Variants in NTRK1 observed in about 807,000 individuals in gnomAD.
NTRK1 encodes the protein high affinity nerve growth factor receptor.
NTRK1 carries 62 observed loss-of-function variants against 86.8 expected under a neutral mutation model. The ratio of observed to expected loss-of-function variants is 0.71; its 90% confidence interval spans 0.58 to 0.88. The LOEUF (loss-of-function observed/expected upper bound fraction) is 0.88. Among genes scored for constraint, NTRK1 ranks in the 40% least tolerant of loss-of-function variants. The pLI, the probability that NTRK1 is intolerant of heterozygous loss-of-function variation, is 0.00. For missense variants in NTRK1, 967 were observed against 1,078.4 expected, an observed-to-expected ratio of 0.90 and a Z score of 1.45; for synonymous variants, 469 against 456.6, an observed-to-expected ratio of 1.03 and a Z score of -0.35.
At chr1:156,870,910 C>T (rs1024466574) in intron 6 of NTRK1, among the ~76,000 whole-genome samples, 6 of 152,212 alleles carry the variant, frequency 3.9e-5, no homozygotes, top group African/African-American at 4.8e-5. Context: ...TCAATCCTGA[C>T]GATGATTCAG....
chr1:156,868,019 C>G, intron 4 of NTRK1, 85 bp from the exon 5 acceptor site: 1 of 1,494,142 alleles, frequency 6.7e-7, no homozygotes, highest in Non-Finnish European at 9.3e-7. Context: ...AGACGGTCCT[C>G]CCTGCTGCCT....
At chr1:156,846,836 G>T in intron 2 of NTRK1, 1 of 1,173,216 alleles carries the variant, frequency 8.5e-7, no homozygotes, top group Non-Finnish European at 1.3e-6. Context: ...AATCACCCCA[G>T]GACTGTCATT....
At chr1:156,869,050 T>C (rs1481305969) in intron 6 of NTRK1, among the ~76,000 whole-genome samples, 2 of 146,460 alleles carry the variant, frequency 1.4e-5, no homozygotes, top group African/African-American at 2.5e-5. Context: ...CTTCCTTCCT[T>C]CCTTCCTTCC....
At chr1:156,816,764 G>A (rs1653987615) in intron 1 of NTRK1, 4 of 1,489,590 alleles carry the variant, frequency 2.7e-6, no homozygotes, top group Non-Finnish European at 3.6e-6. Context: ...TTCCGGAAAG[G>A]TGTGCACACT....
chr1:156,845,893 G>A lies in NTRK1; in HGVS notation c.50+3700G>A, dbSNP rs545172534. ...TCCCCCCCACCTGCCGGGGCCCTGC[G>A]CCTCCATCTCCCCTTCCCCACCCGC... On this transcript the variant is annotated intron_variant, in intron 2 of 16. Transcript: ENST00000392302. 2.0e-3 allele frequency: 3,238 copies of A among 1,597,738 alleles called. 5 individuals carry two copies. Among genetic ancestry groups the A allele is most frequent in the Non-Finnish European group, 2.2e-3 (2,624 of 1,171,690 alleles).
At chr1:156,825,662 T>C (rs957989942) in intron 1 of NTRK1, among the ~76,000 whole-genome samples, 4 of 152,208 alleles carry the variant, frequency 2.6e-5, no homozygotes, top group African/African-American at 9.7e-5. Flanking sequence ...TATTTGAGGA[T>C]TACCTGGTGC....
intron 3 of NTRK1, among the ~76,000 whole-genome samples, chr1:156,866,100 G>C (rs1225399474): frequency 7.2e-5 from 11 of 152,220 alleles, no homozygotes; most frequent in African/African-American, 2.7e-4. Context: ...GTAAGTGGCA[G>C]GATAGAACTT....
At chr1:156,845,594 C>G in intron 2 of NTRK1, 1 of 1,582,284 alleles carries the variant, frequency 6.3e-7, no homozygotes, top group East Asian at 2.2e-5. Context: ...ATCAGACCCT[C>G]CCAGGCCGCG....
chr1:156,864,929 A>T, intron 3 of NTRK1, 130 bp downstream of exon 3: 3 of 891,956 alleles, frequency 3.4e-6, no homozygotes, highest in Non-Finnish European at 3.6e-6. Flanking sequence ...TCACCTCACC[A>T]TTCTCCTGGG....
intron 1 of NTRK1, among the ~76,000 whole-genome samples, chr1:156,817,047 T>TTCTCTCTCTG (rs1553256344): frequency 8.8e-6 from 1 of 113,782 alleles, no homozygotes; most frequent in African/African-American, 3.2e-5. Context: ...GAACTTCCCT[T>TTCTCTCTCTG]TCTCTCTCTC....
chr1:156,840,910 C>T lies in NTRK1; in HGVS notation c.-63-1171C>T, dbSNP rs1392450730. 1.2e-6 allele frequency: 2 copies of T among 1,614,086 alleles called. No individual in the cohort carries two copies. Among genetic ancestry groups the T allele is most frequent in the Admixed American group, 3.3e-5 (2 of 60,028 alleles). ...ACCCCCATTTTGAGGGCTGCAGTCT[C>T]TTGGAGTGGGTGAGGAGTCAGGCTC... On this transcript the variant is annotated intron_variant, in intron 1 of 16. Transcript: ENST00000392302.
chr1:156,864,451 G>A (rs2102885464), intron 2 of NTRK1, 23 bp downstream of exon 2: 4 of 1,611,180 alleles, frequency 2.5e-6, no homozygotes, highest in Non-Finnish European at 3.4e-6. Flanking sequence ...GGGACTGTGG[G>A]TGTGGAGCTC....
intron 16 of NTRK1, chr1:156,880,470 G>C (rs1648192335): frequency 2.4e-6 from 1 of 412,042 alleles, no homozygotes; most frequent in Non-Finnish European, 4.5e-6. Flanking sequence ...AATTATCAGA[G>C]TGGAAGGGAC....
chr1:156,841,608 C>T, intron 1 of NTRK1: 1 of 1,609,504 alleles, frequency 6.2e-7, no homozygotes, highest in Non-Finnish European at 8.5e-7. Flanking sequence ...TGTTCCAGGC[C>T]CCTCCCCAGA....
Position 156,843,440 on chromosome 1 carries a change from G to A in NTRK1, c.50+1247G>A, listed in dbSNP as rs569893906. The A allele has an allele frequency of 1.1e-5, 18 of 1,614,182 alleles. No homozygotes were observed. In the Admixed American group the frequency reaches 3.0e-4, roughly 27 times the overall value. ...TCCCAGACCTACTATCAGAGGCGCT[G>A]AAGTACTCTGGATTCACAGAAGCAT... is the stretch of plus-strand genomic sequence containing the variant. On this transcript the variant is annotated intron_variant, in intron 2 of 16. Transcript: ENST00000392302.
chr1:156,869,874 G>A (rs1647451881), intron 6 of NTRK1, among the ~76,000 whole-genome samples: 1 of 152,258 alleles, frequency 6.6e-6, no homozygotes, highest in Non-Finnish European at 1.5e-5. Context: ...TGGGCAGGAG[G>A]AGTGGATATG....
intron 6 of NTRK1, 107 bp from the exon 7 acceptor site, chr1:156,871,516 C>G (rs890075030): frequency 8.0e-7 from 1 of 1,249,018 alleles, no homozygotes; most frequent in African/African-American, 1.5e-5. Flanking sequence ...CCCTCCCAGC[C>G]CTCCTCTCCT....
At chr1:156,860,836 C>T, upstream of NTRK1, 1 of 1,358,872 alleles carries the variant, frequency 7.4e-7, no homozygotes, top group Non-Finnish European at 9.4e-7. Context: ...GCGGCTGGGT[C>T]TTTAACACCG....
Position 156,875,565 on chromosome 1 carries a change from A to G in NTRK1, c.1400A>G (p.His467Arg), listed in dbSNP as rs1647851895. The change falls in exon 12 of 17, where the codon CAT becomes CGT. Residue 467 changes from histidine to arginine, a missense_variant. By Grantham distance (29) the His-to-Arg change is conservative. Transcript: ENST00000524377. Reference protein sequence around the residue: ...APEDGLAMSLHFMTLGGSSLS... With the variant: ...APEDGLAMSLRFMTLGGSSLS... Reference sequence around the variant, plus strand: ...GAGGATGGGCTGGCCATGTCCCTGCATTTCATGACATTGGGTGGCAGCTCC... The same window carrying G: ...GAGGATGGGCTGGCCATGTCCCTGCGTTTCATGACATTGGGTGGCAGCTCC... The G allele has an allele frequency of 1.2e-6, 2 of 1,613,808 alleles. No individual in the cohort carries two copies. The highest frequency in any genetic ancestry group is 1.7e-6 in the Non-Finnish European group (2 of 1,179,978).
Sources: allele counts gnomAD v4.1 joint callset (sites outside exome capture counted in the v4.1 genomes callset), GRCh38; gene constraint gnomAD v4.1.1; transcripts MANE v1.5; gene names NCBI Gene and HGNC (gene_info 2026-07-23, HGNC 2026-07-21).